ANXA8: variants seen among roughly 807,000 people sequenced by gnomAD.
ANXA8 encodes the protein VAC-beta.
In ANXA8, 9 loss-of-function variants were observed where a neutral mutation model predicts 26.8. The observed-to-expected ratio is 0.34, with a 90% CI of 0.20 to 0.59. The LOEUF is 0.59. Ranked by LOEUF, ANXA8 falls within the 20% of genes least tolerant of loss-of-function variation. The probability of loss-of-function intolerance (pLI) is 0.84; values close to 1 mark genes in which losing one functional copy is unlikely to be tolerated. For synonymous variants in ANXA8, 39 were observed against 94.8 expected (o/e 0.41, Z 3.42); for missense variants, 83 against 238.5 (o/e 0.35, Z 4.29).
the ANXA8 span, among the ~76,000 whole-genome samples, chr10:47,689,499 A>C: frequency 2.6e-5 from 4 of 151,880 alleles, no homozygotes; most frequent in Non-Finnish European, 5.9e-5. Flanking sequence ...TAGGTGAAAA[A>C]TTTTTGTGAA....
chr10:47,610,880 A>C, the ANXA8 span, among the ~76,000 whole-genome samples: 2 of 76,774 alleles, frequency 2.6e-5, no homozygotes, highest in East Asian at 2.8e-4. Flanking sequence ...GGCTTCTAAA[A>C]CCAAATTACC....
At chr10:47,684,130 G>A in the ANXA8 span, among the ~76,000 whole-genome samples, 2 of 151,958 alleles carry the variant, frequency 1.3e-5, no homozygotes, top group Admixed American at 1.3e-4. Context: ...TAATGGAGAT[G>A]TACTTGCAAG....
At chr10:47,581,313 T>A in the ANXA8 span, 16 of 495,116 alleles carry the variant, frequency 3.2e-5, no homozygotes, top group Non-Finnish European at 4.8e-5. Flanking sequence ...TTCCTGTGCT[T>A]CTGGTATTGA....
chr10:47,573,411 G>A, the ANXA8 span, among the ~76,000 whole-genome samples: 1 of 147,200 alleles, frequency 6.8e-6, no homozygotes, highest in African/African-American at 2.5e-5. Context: ...GATTACAGGT[G>A]TAAGCCACTG....
the ANXA8 span, among the ~76,000 whole-genome samples, chr10:47,935,788 G>A: frequency 3.0e-3 from 392 of 130,790 alleles, no homozygotes; most frequent in African/African-American, 0.011. Flanking sequence ...AGGACTTCCC[G>A]TATCCTTCCT....
chr10:47,669,160 A>G, the ANXA8 span, among the ~76,000 whole-genome samples: 5 of 151,814 alleles, frequency 3.3e-5, no homozygotes, highest in South Asian at 2.1e-4. Flanking sequence ...TGGGAAAAGC[A>G]TAGTAACCTA....
chr10:47,646,544 ATG>A, the ANXA8 span, among the ~76,000 whole-genome samples: 1 of 151,380 alleles, frequency 6.6e-6, no homozygotes, highest in East Asian at 1.9e-4. Context: ...TTTTACACTA[ATG>A]CAGCAGAGTT....
the ANXA8 span, among the ~76,000 whole-genome samples, chr10:47,959,147 G>A: frequency 6.8e-6 from 1 of 146,370 alleles, no homozygotes; most frequent in Non-Finnish European, 1.5e-5. Flanking sequence ...AGGGTAGGGG[G>A]AGAACATGGG....
rs1420970091 is a variant in ANXA8 at position 47,483,041 on chromosome 10, C to T, written c.21+872G>A. ...AGGAAAGGAAAAGGGTGTGCAGAGC[C>T]GGCAGCCGGGAGATGTCACCTCTGT... On this transcript the variant is annotated intron_variant, in intron 1 of 11. Transcript: ENST00000585281. 8.7e-5 allele frequency among the ~76,000 whole-genome samples: 13 copies of T among 150,272 alleles called. 1 individual carries two copies. The East Asian group carries it at 1.8e-3, about 21-fold the overall frequency.
the ANXA8 span, among the ~76,000 whole-genome samples, chr10:47,528,123 A>C: frequency 7.4e-6 from 1 of 135,072 alleles, no homozygotes; most frequent in Non-Finnish European, 1.6e-5. Flanking sequence ...TCTGTCACCC[A>C]GGCTGGAGTG....
the ANXA8 span, among the ~76,000 whole-genome samples, chr10:47,971,395 G>GT: frequency 6.9e-6 from 1 of 145,758 alleles, no homozygotes; most frequent in African/African-American, 2.7e-5. Context: ...ATTCCTAGGC[G>GT]TTTTATCTCC....
the ANXA8 span, chr10:47,590,123 C>T: frequency 6.8e-6 from 1 of 146,136 alleles, no homozygotes; most frequent in Non-Finnish European, 1.5e-5. Flanking sequence ...GCTGGAAAAC[C>T]CCAAGCCTCC....
the ANXA8 span, among the ~76,000 whole-genome samples, chr10:47,679,772 G>T: frequency 6.6e-6 from 1 of 151,964 alleles, no homozygotes; most frequent in African/African-American, 2.4e-5. Flanking sequence ...AGTTTAAAAA[G>T]GCGGGCATGG....
the ANXA8 span, among the ~76,000 whole-genome samples, chr10:47,548,708 T>C: frequency 7.3e-5 from 11 of 150,428 alleles, no homozygotes; most frequent in Admixed American, 7.3e-4. Flanking sequence ...CTGAGTACTA[T>C]CTAAATTTTC....
chr10:47,650,486 A>C, the ANXA8 span, among the ~76,000 whole-genome samples: 1 of 151,924 alleles, frequency 6.6e-6, no homozygotes, highest in African/African-American at 2.4e-5. Context: ...TCACAGCTCC[A>C]TAAGAAAAAA....
chr10:47,986,546 C>G, the ANXA8 span: 1 of 327,982 alleles, frequency 3.0e-6, no homozygotes, highest in Non-Finnish European at 6.0e-6. Context: ...CCTCAGGGAC[C>G]CACATGGGCC....
At chr10:47,505,100 AC>A in the ANXA8 span, among the ~76,000 whole-genome samples, 2 of 86,648 alleles carry the variant, frequency 2.3e-5, no homozygotes, top group Non-Finnish European at 4.6e-5. Flanking sequence ...CAGGCGATCC[AC>A]TTGCCTCGGC....
At chr10:47,488,416 G>C (rs1393244867), upstream of ANXA8, among the ~76,000 whole-genome samples, 1 of 142,096 alleles carries the variant, frequency 7.0e-6, no homozygotes, top group Admixed American at 7.1e-5. Flanking sequence ...TTACCATATT[G>C]GTCAGGCTGG....
chr10:47,557,752 T>C, the ANXA8 span, among the ~76,000 whole-genome samples: 112 of 149,550 alleles, frequency 7.5e-4, 3 homozygotes, highest in African/African-American at 2.7e-3. Flanking sequence ...TGGATTTTCA[T>C]AAATGTTTTG....
Sources: gnomAD v4.1 joint callset for allele counts (sites outside exome capture counted in the v4.1 genomes callset) on GRCh38, gnomAD v4.1.1 for gene constraint, MANE v1.5 for transcripts, NCBI Gene and HGNC (gene_info 2026-07-23, HGNC 2026-07-21) for gene names.